Variants in CRX observed in about 807,000 individuals in gnomAD.
The protein encoded by CRX is cone-rod homeobox, also known as cone-rod homeobox protein.
Under a neutral mutation model 13.1 loss-of-function variants are expected in CRX, and 5 were observed. The observed-to-expected ratio is 0.38, with a 90% confidence interval of 0.20 to 0.80. CRX has a LOEUF of 0.80. Among genes scored for constraint, CRX ranks in the 30% least tolerant of loss-of-function variants. The pLI is 0.43. For synonymous variants in CRX, 179 were observed against 171.1 expected (o/e 1.05, Z -0.36); for missense variants, 351 against 391.8 (o/e 0.90, Z 0.88).
chr19:47,823,838 T>C (rs1212808956), intron 1 of CRX, among the ~76,000 whole-genome samples: 1 of 151,980 alleles, frequency 6.6e-6, no homozygotes, highest in Non-Finnish European at 1.5e-5. Context: ...TTAGTAGAGA[T>C]GGGGTTTCAC....
In CRX at chr19:47,839,489, C is replaced by T. The variant is rs1165723137; in HGVS notation, c.422C>T (p.Ser141Phe). 2 of 1,614,012 alleles carry T rather than the reference C, an allele frequency of 1.2e-6. No homozygotes were observed. Among genetic ancestry groups the T allele is most frequent in the South Asian group, 2.2e-5 (2 of 91,084 alleles). ...CCAGACCCTCTGGGCATCTCAGATT[C>T]CTACAGTCCCCCTCTGCCCGGCCCC... The part of the protein sequence containing the change: ...VCPDPLGISD[S>F]YSPPLPGPSG... Residue 141 changes from serine (S) to phenylalanine (F), a missense_variant, in exon 4 of 4, where the codon TCC becomes TTC. By Grantham distance (155) the Ser-to-Phe change is radical. This residue lies in a region of CRX where 253 missense variants were observed against 268.3 expected (regional missense o/e 0.94). Coordinates refer to ENST00000221996, the MANE Select transcript of CRX (RefSeq NM_000554.6). The surrounding 1 kb of genome is among the most constrained non-coding windows in gnomAD (Gnocchi z 4.6).
At chr19:47,831,209 AG>A (rs1161221809) in intron 1 of CRX, among the ~76,000 whole-genome samples, 1 of 146,420 alleles carries the variant, frequency 6.8e-6, no homozygotes, top group Non-Finnish European at 1.5e-5. Flanking sequence ...CAGGAGGCTG[AG>A]GCAGGAGAAT....
At position 47,843,017 on chromosome 19, in the gene CRX, G is replaced by A. The variant is rs905832320; in HGVS notation, c.*3050G>A. The A allele has an allele frequency of 6.6e-6, 1 of 152,216 alleles. No homozygotes were observed. The highest frequency in any genetic ancestry group is 2.4e-5 in the African/African-American group (1 of 41,440). The allele number at this position is 152,216 out of a possible 1,614,324, so 9.4% of individuals were successfully genotyped here. A position where few individuals can be genotyped will look rare whatever the true frequency, so the allele number is the denominator to read the frequency against. On this transcript the variant is annotated 3_prime_UTR_variant, in exon 4 of 4. Coordinates refer to ENST00000221996, the MANE Select transcript of CRX (RefSeq NM_000554.6). ...TAAGACTTCGAGAGAGCCTGATCCT[G>A]GGGTCTTCTGAGACTCCACCAGGAG...
intron 1 of CRX, among the ~76,000 whole-genome samples, chr19:47,822,311 T>C (rs184982256): frequency 3.9e-5 from 6 of 152,268 alleles, no homozygotes; most frequent in Admixed American, 3.9e-4. Flanking sequence ...CATCCGGGGT[T>C]GGGGGCTTCT....
intron 2 of CRX, 115 bp from the exon 3 acceptor site, chr19:47,836,128 C>A: frequency 7.5e-7 from 1 of 1,324,702 alleles, no homozygotes; most frequent in Non-Finnish European, 1.1e-6. Context: ...TGTATTCCAT[C>A]CTTAGTTTAG....
intron 1 of CRX, among the ~76,000 whole-genome samples, chr19:47,830,839 T>C (rs997016750): frequency 1.3e-5 from 2 of 151,140 alleles, no homozygotes; most frequent in Non-Finnish European, 2.9e-5. Context: ...TTGATAGGTT[T>C]AGTCAGGAAA....
At chr19:47,837,754 T>C (rs1968135668) in intron 3 of CRX, among the ~76,000 whole-genome samples, 1 of 142,346 alleles carries the variant, frequency 7.0e-6, no homozygotes, top group African/African-American at 2.5e-5. Context: ...ATTATATGTA[T>C]AAGATGGATG....
chr19:47,837,991 A>G (rs948274712), intron 3 of CRX, among the ~76,000 whole-genome samples: 6 of 152,074 alleles, frequency 3.9e-5, no homozygotes, highest in Non-Finnish European at 5.9e-5. Flanking sequence ...GATGTTACAT[A>G]TATGTGCATA....
At chr19:47,832,105 G>GTTTTTGTTTTTTTTTTT (rs1555801483) in intron 1 of CRX, among the ~76,000 whole-genome samples, 13 of 91,988 alleles carry the variant, frequency 1.4e-4, no homozygotes, top group Non-Finnish European at 1.6e-4. Context: ...GCAGCCTTAT[G>GTTTTTGTTTTTTTTTTT]TTTTTTTTTT....
chr19:47,829,267 C>G (rs1281415335), intron 1 of CRX, among the ~76,000 whole-genome samples: 1 of 151,934 alleles, frequency 6.6e-6, no homozygotes, highest in East Asian at 1.9e-4. Context: ...AGGCATGCAC[C>G]ACCATGCCTG....
chr19:47,834,651 GC>G, intron 2 of CRX, 108 bp downstream of exon 2: 1 of 797,296 alleles, frequency 1.3e-6, no homozygotes. Flanking sequence ...CGACTTCAGG[GC>G]CATACACCAG....
At position 47,832,105 on chromosome 19, in the gene CRX, G is replaced by GTTTTTTTTTTTTTTTTTTTT. The variant is rs71180891; in HGVS notation, c.-35-2286_-35-2285insTTTTTTTTTTTTTTTTTTTT. Among the ~76,000 whole-genome samples, 15 of 91,984 alleles carry GTTTTTTTTTTTTTTTTTTTT rather than the reference G, an allele frequency of 1.6e-4. 3 individuals are homozygous for GTTTTTTTTTTTTTTTTTTTT. The highest frequency in any genetic ancestry group is 3.9e-4 in the Admixed American group (3 of 7,768). The allele number at this position is 91,984 out of a possible 152,430, so 60.3% of individuals were successfully genotyped here. A position where few individuals can be genotyped will look rare whatever the true frequency, so the allele number is the denominator to read the frequency against. On this transcript the variant is annotated intron_variant, in intron 1 of 3. Transcript: ENST00000221996. ...AAATCAGTTCAGAGAGCAGCCTTAT[G>GTTTTTTTTTTTTTTTTTTTT]TTTTTTTTTTTTTTTTTTGAGACGG... is the stretch of plus-strand genomic sequence containing the variant.
intron 1 of CRX, among the ~76,000 whole-genome samples, chr19:47,823,444 C>G (rs1967936020): frequency 6.6e-6 from 1 of 152,180 alleles, no homozygotes; most frequent in African/African-American, 2.4e-5. Flanking sequence ...TTGATTTGCT[C>G]AGGCTCTAAC....
intron 1 of CRX, among the ~76,000 whole-genome samples, chr19:47,824,730 C>T (rs899914312): frequency 6.6e-6 from 1 of 152,298 alleles, no homozygotes; most frequent in African/African-American, 2.4e-5. Context: ...AACTGCTCAG[C>T]TGGGAACCTG....
Position 47,836,342 on chromosome 19 carries a change from A to C in CRX, c.200A>C (p.Tyr67Ser). Residue 67 changes from tyrosine to serine, a missense_variant, in exon 3 of 4, where the codon TAT (tyrosine) becomes TCT (serine). By Grantham distance (144) the Tyr-to-Ser change is moderately radical (BLOSUM62 -2). Around this residue, in one of 3 missense-constraint regions of CRX, gnomAD observed 95 missense variants for 106.7 expected, o/e 0.89. Coordinates refer to ENST00000221996, the MANE Select transcript of CRX (RefSeq NM_000554.6). ...GCCAAGACCCAGTACCCAGACGTCT[A>C]TGCCCGTGAGGAGGTGGCTCTGAAG... ...LFAKTQYPDV[Y>S]AREEVALKIN... The C allele has an allele frequency of 6.2e-7, 1 of 1,614,210 alleles. No individual in the cohort carries two copies. The highest frequency in any genetic ancestry group is 8.5e-7 in the Non-Finnish European group (1 of 1,180,022).
rs1415145757 is a variant in CRX, at chr19:47,841,174, A to G, written c.*1207A>G. The G allele has an allele frequency of 6.6e-6, 1 of 152,232 alleles. No homozygotes were observed. Among genetic ancestry groups the G allele is most frequent in the Non-Finnish European group, 1.5e-5 (1 of 68,040 alleles). 9.4% of individuals were successfully genotyped at this position (152,232 alleles called of 1,614,324 possible). On this transcript the variant is annotated 3_prime_UTR_variant, in exon 4 of 4. Transcript: ENST00000221996. The stretch of plus-strand genomic sequence containing the variant: ...CAGACTTCACAAATGTCAGGCTTAC[A>G]TGGTAGGTTTAGGGGACCGTTTGAG...
At chr19:47,825,116 C>T (rs957525541) in intron 1 of CRX, among the ~76,000 whole-genome samples, 3 of 151,104 alleles carry the variant, frequency 2.0e-5, no homozygotes, top group Admixed American at 6.6e-5. Flanking sequence ...TCAGCCTCCC[C>T]AGAAGCTGGG....
chr19:47,828,133 G>A (rs1163865268), intron 1 of CRX, among the ~76,000 whole-genome samples: 1 of 151,510 alleles, frequency 6.6e-6, no homozygotes, highest in Non-Finnish European at 1.5e-5. Context: ...CAGCCTGGGG[G>A]ACAAGAGTGA....
At position 47,840,774 on chromosome 19, in the gene CRX, A is replaced by G. The variant is rs1029197275; in HGVS notation, c.*807A>G. 6 of 125,780 alleles carry G rather than the reference A, an allele frequency of 4.8e-5. No individual in the cohort carries two copies. The highest frequency in any genetic ancestry group is 1.9e-4 in the African/African-American group (6 of 31,740). The allele number at this position is 125,780 out of a possible 1,614,324, so 7.8% of individuals were successfully genotyped here. A position where few individuals can be genotyped will look rare whatever the true frequency, so the allele number is the denominator to read the frequency against. Reference sequence around the variant, plus strand: ...GCTTAGGCTGGAGTGCAGTGGTGTGATCTCAGCTCACTGACTGCAACCTCC... The same window carrying G: ...GCTTAGGCTGGAGTGCAGTGGTGTGGTCTCAGCTCACTGACTGCAACCTCC... On this transcript the variant is annotated 3_prime_UTR_variant, in exon 4 of 4. Coordinates refer to ENST00000221996, the MANE Select transcript of CRX (RefSeq NM_000554.6).
Sources: gnomAD v4.1 joint callset for allele counts (sites outside exome capture counted in the v4.1 genomes callset) on GRCh38, gnomAD v4.1.1 for gene constraint, gnomAD v4.1.1 regional missense constraint, Gnocchi (gnomAD v3.1) non-coding constraint, MANE v1.5 for transcripts, NCBI Gene and HGNC (gene_info 2026-07-23, HGNC 2026-07-21) for gene names.